The following PPARGC1A variants were observed in gnomAD, a reference collection of about 807,000 sequenced individuals.
PPARGC1A encodes the protein PPARG coactivator 1 alpha.
In PPARGC1A, 25 loss-of-function variants were observed where a neutral mutation model predicts 88.7. The observed-to-expected ratio is 0.28, with a 90% confidence interval of 0.21 to 0.39. The LOEUF is 0.39. Ranked by LOEUF, PPARGC1A falls within the 10% of genes least tolerant of loss-of-function variation. PPARGC1A has a pLI of 1.00. For synonymous variants in PPARGC1A, 363 were observed against 355.6 expected (o/e 1.02, Z -0.24); for missense variants, 880 against 968.7 (o/e 0.91, Z 1.22).
At chr4:23,844,503 T>C (rs1269034480) in intron 2 of PPARGC1A, among the ~76,000 whole-genome samples, 1 of 116,332 alleles carries the variant, frequency 8.6e-6, no homozygotes, top group Admixed American at 1.1e-4. Flanking sequence ...TAATATATAA[T>C]ATAATAATAT....
At chr4:24,271,201 G>A in the PPARGC1A span, among the ~76,000 whole-genome samples, 4 of 152,118 alleles carry the variant, frequency 2.6e-5, no homozygotes, top group Admixed American at 2.0e-4. Context: ...GGGGTCTACT[G>A]CTCTAGTGCA....
intron 2 of PPARGC1A, among the ~76,000 whole-genome samples, chr4:23,845,800 T>C (rs1728211137): frequency 6.6e-6 from 1 of 152,182 alleles, no homozygotes; most frequent in Non-Finnish European, 1.5e-5. Flanking sequence ...TATCTAAGTA[T>C]TTTACATGGG....
chr4:24,068,599 G>GT, the PPARGC1A span, among the ~76,000 whole-genome samples: 1 of 152,184 alleles, frequency 6.6e-6, no homozygotes, highest in African/African-American at 2.4e-5. Context: ...GTTTGTGTGT[G>GT]TATATGTGTG....
the PPARGC1A span, among the ~76,000 whole-genome samples, chr4:24,231,332 C>A: frequency 1.4e-4 from 21 of 152,306 alleles, no homozygotes; most frequent in African/African-American, 4.8e-4. Context: ...CAGTCATTCA[C>A]TCATTTTGTG....
At chr4:24,376,655 G>T in the PPARGC1A span, among the ~76,000 whole-genome samples, 4 of 152,184 alleles carry the variant, frequency 2.6e-5, no homozygotes, top group Non-Finnish European at 5.9e-5. Context: ...CAATGTTCTA[G>T]AAATATTTAT....
At chr4:24,315,720 G>T in the PPARGC1A span, among the ~76,000 whole-genome samples, 1 of 152,150 alleles carries the variant, frequency 6.6e-6, no homozygotes, top group Non-Finnish European at 1.5e-5. Context: ...CAGGGATGCT[G>T]GTAAACATCC....
the PPARGC1A span, among the ~76,000 whole-genome samples, chr4:24,387,819 A>G: frequency 6.1e-5 from 4 of 65,086 alleles, no homozygotes; most frequent in African/African-American, 8.7e-5. Flanking sequence ...AAAGAAAGAA[A>G]GAAAGAGAGA....
At chr4:24,465,271 G>C in the PPARGC1A span, among the ~76,000 whole-genome samples, 1 of 152,154 alleles carries the variant, frequency 6.6e-6, no homozygotes. Flanking sequence ...TTGAAATAAC[G>C]ATCTTCATGT....
the PPARGC1A span, among the ~76,000 whole-genome samples, chr4:24,221,450 A>G: frequency 2.0e-5 from 3 of 152,212 alleles, no homozygotes; most frequent in African/African-American, 7.2e-5. Flanking sequence ...CCTGGTTTTT[A>G]TCAATGTCTT....
the PPARGC1A span, among the ~76,000 whole-genome samples, chr4:24,194,668 A>C: frequency 0.05 from 619 of 12,282 alleles, 2 homozygotes; most frequent in Non-Finnish European, 0.083. Context: ...ACACACACAC[A>C]CCCCCATCAA....
the PPARGC1A span, among the ~76,000 whole-genome samples, chr4:23,951,194 G>T: frequency 2.6e-5 from 4 of 152,060 alleles, no homozygotes; most frequent in Non-Finnish European, 5.9e-5. Context: ...TAACACAGAG[G>T]TACACAGGGA....
At chr4:24,233,010 G>A in the PPARGC1A span, among the ~76,000 whole-genome samples, 1 of 152,092 alleles carries the variant, frequency 6.6e-6, no homozygotes, top group Non-Finnish European at 1.5e-5. Context: ...GACTGAGAGT[G>A]TCCACACAAG....
intron 2 of PPARGC1A, among the ~76,000 whole-genome samples, chr4:23,863,511 C>T (rs1296993676): frequency 6.6e-6 from 1 of 152,140 alleles, no homozygotes; most frequent in Non-Finnish European, 1.5e-5. Context: ...ACTTTCTCTG[C>T]TGCTCTATTA....
the PPARGC1A span, among the ~76,000 whole-genome samples, chr4:24,357,263 C>T: frequency 6.6e-6 from 1 of 152,176 alleles, no homozygotes; most frequent in Non-Finnish European, 1.5e-5. Context: ...AACTTAAGGT[C>T]AGCTTCTGGG....
the PPARGC1A span, among the ~76,000 whole-genome samples, chr4:24,395,205 A>G: frequency 6.6e-6 from 1 of 152,222 alleles, no homozygotes; most frequent in Admixed American, 6.5e-5. Flanking sequence ...ACTCAAAGTA[A>G]GGACCCTGAG....
chr4:24,179,890 T>C, the PPARGC1A span, among the ~76,000 whole-genome samples: 1 of 152,202 alleles, frequency 6.6e-6, no homozygotes, highest in African/African-American at 2.4e-5. Flanking sequence ...AGGGCTAATG[T>C]CACATTAAAA....
At position 23,831,563 on chromosome 4, in the gene PPARGC1A, C is replaced by A. The variant is rs369519960; in HGVS notation, c.423G>T (p.Pro141=). 6.2e-7 allele frequency: 1 copy of A among 1,613,608 alleles called. No homozygotes were observed. Among genetic ancestry groups the A allele is most frequent in the South Asian group, 1.1e-5 (1 of 91,056 alleles). The change falls in exon 3 of 13, where the codon CCG becomes CCT. Residue 141 remains proline, a synonymous_variant. Transcript: ENST00000264867. ...GTPPPQEAEE[P]SLLKKLLLAP... is the part of the protein sequence containing the mutation. ...CAGTAGGAAGGGTTCTTACTAGAGA[C>A]GGCTCTTCTGCCTCCTGGGGTGGAG...
the PPARGC1A span, among the ~76,000 whole-genome samples, chr4:24,431,219 T>C: frequency 1.0e-3 from 153 of 151,490 alleles, 1 homozygote; most frequent in African/African-American, 3.6e-3. Flanking sequence ...TTGACTGCCA[T>C]TGGTGACTTG....
the PPARGC1A span, among the ~76,000 whole-genome samples, chr4:24,068,410 C>T: frequency 6.6e-6 from 1 of 152,160 alleles, no homozygotes; most frequent in East Asian, 1.9e-4. Flanking sequence ...ATTCACTGAG[C>T]ACCTACTATA....
Sources: allele counts gnomAD v4.1 joint callset (sites outside exome capture counted in the v4.1 genomes callset), GRCh38; gene constraint gnomAD v4.1.1; transcripts MANE v1.5; gene names NCBI Gene and HGNC (gene_info 2026-07-23, HGNC 2026-07-21).